Variants in CARMIL2 observed in about 807,000 individuals in gnomAD.
CARMIL2 encodes capping protein, Arp2/3 and myosin-I linker protein 2.
CARMIL2 carries 96 observed loss-of-function variants against 173.3 expected under a neutral mutation model. That is an observed-to-expected ratio of 0.55 (90% CI 0.47 to 0.66). The LOEUF (loss-of-function observed/expected upper bound fraction) is 0.66. CARMIL2 is among the 30% of genes least tolerant of loss of function. The pLI is 0.00. For missense variants in CARMIL2, 1,771 were observed against 1,906.7 expected (o/e 0.93, Z 1.33); for synonymous variants, 830 against 817.1 (o/e 1.02, Z -0.27).
rs1442152325 is a variant in CARMIL2, at chr16:67,652,024, GCA to G, written c.2676+22_2676+23del. 1 of 1,612,826 alleles carries G rather than the reference GCA, an allele frequency of 6.2e-7. No homozygotes were observed. The highest frequency in any genetic ancestry group is 2.2e-5 in the East Asian group (1 of 44,888). ...GGATCAGCTGGTGAGGGGGAGATGT[GCA>G]CACACTTTCGTGCAAACACACACAT... On this transcript the variant is annotated intron_variant, in intron 26 of 37. Transcript: ENST00000334583. The surrounding 1 kb of genome is among the most constrained non-coding windows in gnomAD (Gnocchi z 4.7).
Position 67,651,782 on chromosome 16 carries a change from G to T in CARMIL2, c.2525G>T (p.Gly842Val), listed in dbSNP as rs2142934856. The change falls in exon 25 of 38, where the codon GGC becomes GTC. Residue 842 changes from glycine (G) to valine (V), a missense_variant. This residue lies in a region of CARMIL2 where 817 missense variants were observed against 903.5 expected (regional missense o/e 0.90). Coordinates refer to ENST00000334583, the MANE Select transcript of CARMIL2 (RefSeq NM_001013838.3). The surrounding 1 kb of genome is among the most constrained non-coding windows in gnomAD (Gnocchi z 4.2). ...GAGCAGCTAGAGGGGGTCCTGGCAG[G>T]CTCGAGGGGCCTCCCGGAGCTGCTC... is the stretch of plus-strand genomic sequence containing the variant. Reference protein sequence around the residue: ...WREQLEGVLAGSRGLPELLPE... With the variant: ...WREQLEGVLAVSRGLPELLPE... 6.2e-7 allele frequency: 1 copy of T among 1,607,634 alleles called. No homozygotes were observed. The highest frequency in any genetic ancestry group is 8.5e-7 in the Non-Finnish European group (1 of 1,177,702).
At position 67,656,582 on chromosome 16, in the gene CARMIL2, A is replaced by G. The variant is rs1337328917; in HGVS notation, c.3973A>G (p.Thr1325Ala). Residue 1325 changes from threonine (T) to alanine (A), a missense_variant, in exon 35 of 38, where the codon ACC becomes GCC. Thr to Ala is a moderately conservative substitution (Grantham distance 58). Coordinates refer to ENST00000334583, the MANE Select transcript of CARMIL2 (RefSeq NM_001013838.3). The part of the protein sequence containing the change: ...SPGQSPSPCR[T>A]SPSPDSLGLP... ...TGGTCAAAGCCCAAGTCCCTGCAGAACCAGCCCCTCCCCAGACAGCCTGGG... is the reference window on the plus strand; with the variant it reads ...TGGTCAAAGCCCAAGTCCCTGCAGAGCCAGCCCCTCCCCAGACAGCCTGGG... The G allele has an allele frequency of 4.3e-6, 7 of 1,612,078 alleles. No homozygotes were observed. The highest frequency in any genetic ancestry group is 5.1e-6 in the Non-Finnish European group (6 of 1,179,246).
At position 67,646,472 on chromosome 16, in the gene CARMIL2, G is replaced by C; in HGVS notation, c.421G>C (p.Glu141Gln). The C allele has an allele frequency of 6.2e-7, 1 of 1,613,550 alleles. No homozygotes were observed. Among genetic ancestry groups the C allele is most frequent in the East Asian group, 2.2e-5 (1 of 44,874 alleles). The change falls in exon 6 of 38, where the codon GAG becomes CAG. Residue 141 changes from glutamate (E) to glutamine (Q), a missense_variant. Transcript: ENST00000334583. The surrounding 1 kb of genome is among the most constrained non-coding windows in gnomAD (Gnocchi z 4.6). Reference sequence around the variant, plus strand: ...ACCAGCCTCCATGCTGGCTCGGCTGGAGAGAAGCAGCCCCTCGGAGTCCAC... The same window carrying C: ...ACCAGCCTCCATGCTGGCTCGGCTGCAGAGAAGCAGCCCCTCGGAGTCCAC... Reference protein sequence around the residue: ...PTPASMLARLERSSPSESTDP... With the variant: ...PTPASMLARLQRSSPSESTDP...
chr16:67,648,283 C>T lies in CARMIL2; in HGVS notation c.1303C>T (p.Leu435Phe). 6.3e-7 allele frequency: 1 copy of T among 1,595,306 alleles called. No individual in the cohort carries two copies. Among genetic ancestry groups the T allele is most frequent in the South Asian group, 1.1e-5 (1 of 89,744 alleles). Residue 435 changes from leucine to phenylalanine, a missense_variant, in exon 14 of 38, where the codon CTC (leucine) becomes TTC (phenylalanine). Leu to Phe is a conservative substitution (Grantham distance 22). Transcript: ENST00000334583. The surrounding 1 kb of genome is among the most constrained non-coding windows in gnomAD (Gnocchi z 6.1). ...SRGCCTSLTH[L>F]DASRNVFSRT... The stretch of plus-strand genomic sequence containing the variant: ...AGGCTGCTGCACCAGCCTTACCCAC[C>T]TCGACGCTTCGAGGAACGTCTTCTC...
chr16:67,653,929 G>A lies in CARMIL2; in HGVS notation c.3121-220G>A, dbSNP rs552523507. Reference sequence around the variant, plus strand: ...GATACTCTGTGGGACAAGGACGGGTGTGGACTGGGTGTGCGGGAGCCAGCA... The same window carrying A: ...GATACTCTGTGGGACAAGGACGGGTATGGACTGGGTGTGCGGGAGCCAGCA... On this transcript the variant is annotated intron_variant, in intron 29 of 37. Coordinates refer to ENST00000334583, the MANE Select transcript of CARMIL2 (RefSeq NM_001013838.3). This position sits in a 1 kb window ranked among gnomAD's most constrained non-coding sequence, Gnocchi z 7.4. 4.6e-5 allele frequency among the ~76,000 whole-genome samples: 7 copies of A among 152,252 alleles called. No homozygotes were observed. Among genetic ancestry groups the A allele is most frequent in the South Asian group, 2.1e-4 (1 of 4,826 alleles).
Position 67,651,608 on chromosome 16 carries a change from T to C in CARMIL2, c.2428-77T>C. 1 of 1,571,720 alleles carries C rather than the reference T, an allele frequency of 6.4e-7. No individual in the cohort carries two copies. On this transcript the variant is annotated intron_variant, in intron 24 of 37. Transcript: ENST00000334583. The surrounding 1 kb of genome is among the most constrained non-coding windows in gnomAD (Gnocchi z 4.2). ...TGTGATATCCCCTGACTCAATATTCTGTTGGAGTTGGAGCCTCAAGCCAGC... is the reference window on the plus strand; with the variant it reads ...TGTGATATCCCCTGACTCAATATTCCGTTGGAGTTGGAGCCTCAAGCCAGC...
intron 36 of CARMIL2, 48 bp downstream of exon 36, chr16:67,656,929 G>A (rs1451062725): frequency 7.0e-7 from 1 of 1,436,264 alleles, no homozygotes; most frequent in Non-Finnish European, 9.5e-7. Context: ...AGATGTGGGA[G>A]GGTGGGCTTC....
At position 67,649,567 on chromosome 16, in the gene CARMIL2, G is replaced by C; in HGVS notation, c.1867G>C (p.Asp623His). Residue 623 changes from aspartate (D) to histidine (H), a missense_variant, in exon 20 of 38, where the codon GAC (aspartate) becomes CAC (histidine). Transcript: ENST00000334583. This position sits in a 1 kb window ranked among gnomAD's most constrained non-coding sequence, Gnocchi z 6.7. ...GGATATCAGCGGCAACGCCATGGGG[G>C]ACGCGGGCGCCAAGTTGCTGGCCAA... is the stretch of plus-strand genomic sequence containing the variant. ...ALDISGNAMG[D>H]AGAKLLAKAL... 1 of 1,602,050 alleles carries C rather than the reference G, an allele frequency of 6.2e-7. No individual in the cohort carries two copies. The highest frequency in any genetic ancestry group is 8.5e-7 in the Non-Finnish European group (1 of 1,179,546).
Position 67,654,658 on chromosome 16 carries a change from A to G in CARMIL2, c.3548A>G (p.Glu1183Gly). Residue 1183 changes from glutamate to glycine, a missense_variant, in exon 31 of 38, where the codon GAG becomes GGG. Transcript: ENST00000334583. ...TACTCGATGATACTGCTGCCTGCCG[A>G]GGAGGAGGCAACGCTGGGTGCCAGA... ...KAYSMILLPA[E>G]EEATLGARPD... 1.3e-6 allele frequency: 2 copies of G among 1,586,250 alleles called. No homozygotes were observed. The highest frequency in any genetic ancestry group is 2.3e-5 in the South Asian group (2 of 87,314).
Position 67,656,881 on chromosome 16 carries a change from G to C in CARMIL2, c.4117G>C (p.Glu1373Gln), listed in dbSNP as rs982172657. 1 of 1,544,416 alleles carries C rather than the reference G, an allele frequency of 6.5e-7. No homozygotes were observed. The highest frequency in any genetic ancestry group is 1.2e-5 in the South Asian group (1 of 83,894). The change falls in exon 36 of 38, where the codon GAA (glutamate) becomes CAA (glutamine). Residue 1373 changes from glutamate (E) to glutamine (Q), a missense_variant and splice_region_variant. By Grantham distance (29) the Glu-to-Gln change is conservative. Transcript: ENST00000334583. ...VHEDQLQAPA[E>Q]RPLRLQRSPV... The stretch of plus-strand genomic sequence containing the variant: ...TGAGGACCAGCTCCAGGCCCCTGCT[G>C]GTGAGGGGAGACACCTCCACGTGTG...
Position 67,650,107 on chromosome 16 carries a change from C to T in CARMIL2, c.2141C>T (p.Thr714Ile). 1 of 1,613,616 alleles carries T rather than the reference C, an allele frequency of 6.2e-7. No individual in the cohort carries two copies. The highest frequency in any genetic ancestry group is 8.5e-7 in the Non-Finnish European group (1 of 1,179,802). ...RADPASSDHT[T>I]RLQPLGLVSD... Reference sequence around the variant, plus strand: ...GACCCTGCCTCTTCTGACCACACGACCCGCCTTCAGCCACTTGGTCTGGTC... The same window carrying T: ...GACCCTGCCTCTTCTGACCACACGATCCGCCTTCAGCCACTTGGTCTGGTC... Residue 714 changes from threonine to isoleucine, a missense_variant, in exon 22 of 38, where the codon ACC (threonine) becomes ATC (isoleucine). Physicochemically the swap from Thr to Ile is moderately conservative, Grantham distance 89. Transcript: ENST00000334583.
chr16:67,654,734 C>A, intron 31 of CARMIL2, 42 bp downstream of exon 31: 2 of 1,607,468 alleles, frequency 1.2e-6, no homozygotes, highest in Middle Eastern at 1.7e-4. Flanking sequence ...GCTTCTGGGA[C>A]CCAGGGCGCG....
rs78586794 is a variant in CARMIL2, at chr16:67,650,464, C to T, written c.2184+314C>T. On this transcript the variant is annotated intron_variant, in intron 22 of 37. Coordinates refer to ENST00000334583, the MANE Select transcript of CARMIL2 (RefSeq NM_001013838.3). ...CTCACATATACGTGACTCCCCTCCC[C>T]TCTCCATTGTGTGCCCAAACCCAGC... 544 of 424,760 alleles carry T rather than the reference C, an allele frequency of 1.3e-3. 4 individuals carry two copies. The highest frequency in any genetic ancestry group is 9.9e-3 in the African/African-American group (500 of 50,338). The allele number at this position is 424,760 out of a possible 1,614,324, so 26.3% of individuals were successfully genotyped here.
chr16:67,650,025 T>C (rs1223040609), intron 21 of CARMIL2, 24 bp from the exon 22 acceptor site: 1 of 1,613,680 alleles, frequency 6.2e-7, no homozygotes, highest in Admixed American at 1.7e-5. Flanking sequence ...TCCCTCGGCA[T>C]TTCTCAATAC....
Position 67,646,951 on chromosome 16 carries a change from G to A in CARMIL2, c.589G>A (p.Asp197Asn), listed in dbSNP as rs759719206. 1 of 1,613,600 alleles carries A rather than the reference G, an allele frequency of 6.2e-7. No individual in the cohort carries two copies. The highest frequency in any genetic ancestry group is 2.2e-5 in the East Asian group (1 of 44,870). The change falls in exon 8 of 38, where the codon GAC becomes AAC. Residue 197 changes from aspartate (D) to asparagine (N), a missense_variant. This residue lies in a region of CARMIL2 where 944 missense variants were observed against 975.6 expected (regional missense o/e 0.97). Transcript: ENST00000334583. This position sits in a 1 kb window ranked among gnomAD's most constrained non-coding sequence, Gnocchi z 4.6. ...RQGCRHFSLGDFSHLGSRDLA... is the reference protein window; with the variant it reads ...RQGCRHFSLGNFSHLGSRDLA... ...GGGCTGCCGCCATTTCAGCCTGGGA[G>A]ACTTCAGCCACCTCGGCAGTCGGTG... is the stretch of plus-strand genomic sequence containing the variant.
rs1177417201 is a variant in CARMIL2 at position 67,648,876 on chromosome 16, C to T, written c.1510-17C>T. 4.4e-6 allele frequency: 7 copies of T among 1,597,648 alleles called. No individual in the cohort carries two copies. Among genetic ancestry groups the T allele is most frequent in the Non-Finnish European group, 6.0e-6 (7 of 1,172,838 alleles). On this transcript the variant is annotated splice_polypyrimidine_tract_variant and intron_variant, in intron 16 of 37. Coordinates refer to ENST00000334583, the MANE Select transcript of CARMIL2 (RefSeq NM_001013838.3). The surrounding 1 kb of genome is among the most constrained non-coding windows in gnomAD (Gnocchi z 6.1). The stretch of plus-strand genomic sequence containing the variant: ...CTAAGTGGGTCCCACTTCCCACCTC[C>T]CACCTCCCACATACAGCTGCGCTCG...
At position 67,645,756 on chromosome 16, in the gene CARMIL2, C is replaced by T. The variant is rs1281824163; in HGVS notation, c.165C>T (p.His55=). The change falls in exon 3 of 38, where the codon CAC becomes CAT. Residue 55 remains histidine, a synonymous_variant. Coordinates refer to ENST00000334583, the MANE Select transcript of CARMIL2 (RefSeq NM_001013838.3). ...ALLRWRAYLL[H]TTCLPLRVDC... is the part of the protein sequence containing the mutation. ...TACGATGGAGAGCCTACCTGCTGCA[C>T]ACCACCTGCCTCCCGCTGAGGGTGA... 16 of 1,612,652 alleles carry T rather than the reference C, an allele frequency of 9.9e-6. No homozygotes were observed. Among genetic ancestry groups the T allele is most frequent in the Non-Finnish European group, 1.3e-5 (15 of 1,179,900 alleles).
In CARMIL2 at chr16:67,657,385, TCTCC is replaced by T; in HGVS notation, c.4196-11_4196-8del. On this transcript the variant is annotated splice_polypyrimidine_tract_variant and intron_variant, in intron 37 of 37. Coordinates refer to ENST00000334583, the MANE Select transcript of CARMIL2 (RefSeq NM_001013838.3). The surrounding 1 kb of genome is among the most constrained non-coding windows in gnomAD (Gnocchi z 4.5). ...TAGCCCAGCCCTGACCCTTCCTCTC[TCTCC>T]CTCCCTCCCCTCACAGGATCTGGCC... The T allele has an allele frequency of 6.2e-7, 1 of 1,603,438 alleles. No homozygotes were observed.
chr16:67,646,649 T>G lies in CARMIL2; in HGVS notation c.467-65T>G. The G allele has an allele frequency of 3.2e-6, 5 of 1,587,068 alleles. No individual in the cohort carries two copies. The highest frequency in any genetic ancestry group is 4.3e-6 in the Non-Finnish European group (5 of 1,155,744). On this transcript the variant is annotated intron_variant, in intron 6 of 37. Transcript: ENST00000334583. This position sits in a 1 kb window ranked among gnomAD's most constrained non-coding sequence, Gnocchi z 4.6. The stretch of plus-strand genomic sequence containing the variant: ...GCCACCACCTAGTCTGTGGGTCTGG[T>G]CTTCCTCCATCGCTGATGTTTTGTC...
Sources: allele counts gnomAD v4.1 joint callset (sites outside exome capture counted in the v4.1 genomes callset), GRCh38; gene constraint gnomAD v4.1.1; regional missense constraint gnomAD v4.1.1; non-coding constraint Gnocchi (gnomAD v3.1); transcripts MANE v1.5; gene names NCBI Gene and HGNC (gene_info 2026-07-23, HGNC 2026-07-21).